The following BCAR3 variants were observed in gnomAD, a reference collection of about 807,000 sequenced individuals.
BCAR3 encodes the protein breast cancer anti-estrogen resistance protein 3.
In BCAR3, 37 loss-of-function variants were observed where a neutral mutation model predicts 80.1. The observed-to-expected ratio is 0.46, with a 90% CI of 0.36 to 0.61. BCAR3 has a LOEUF of 0.61. Among genes scored for constraint, BCAR3 ranks in the 20% least tolerant of loss-of-function variants. BCAR3 has a pLI of 0.00. For synonymous variants in BCAR3, 389 were observed against 418.9 expected (o/e 0.93, Z 0.87); for missense variants, 978 against 1,068.2 (o/e 0.92, Z 1.18).
intron 2 of BCAR3, among the ~76,000 whole-genome samples, chr1:93,807,599 G>A (rs964037050): frequency 1.3e-5 from 2 of 152,180 alleles, no homozygotes; most frequent in African/African-American, 4.8e-5. Context: ...GCTACTCTCG[G>A]AAGAATAGAT....
chr1:93,804,430 T>TCA (rs1283332470), intron 2 of BCAR3, among the ~76,000 whole-genome samples: 1 of 152,218 alleles, frequency 6.6e-6, no homozygotes, highest in African/African-American at 2.4e-5. Flanking sequence ...TATGCTAGTA[T>TCA]CACTACTCTT....
intron 2 of BCAR3, among the ~76,000 whole-genome samples, chr1:93,710,465 A>C (rs1196274946): frequency 6.6e-6 from 1 of 152,204 alleles, no homozygotes; most frequent in African/African-American, 2.4e-5. Flanking sequence ...ACTTTATCCT[A>C]GCCAGGATAT....
At chr1:93,684,674 T>G (rs538542023), upstream of BCAR3, among the ~76,000 whole-genome samples, 153 of 152,360 alleles carry the variant, frequency 1.0e-3, no homozygotes, top group Middle Eastern at 3.4e-3. Flanking sequence ...GCCTACTGTG[T>G]GCCAAGATGC....
rs557542375 is a variant in BCAR3, at chr1:93,799,942, A to G, written c.-63+45625T>C. ...TCACTGCCTACTGGTATGTTAAATA[A>G]AGGAGTGTGTAGGGATTTGGGACTA... On this transcript the variant is annotated intron_variant, in intron 2 of 13. Transcript: ENST00000370244. Among the ~76,000 whole-genome samples, 14 of 152,304 alleles carry G rather than the reference A, an allele frequency of 9.2e-5. No individual in the cohort carries two copies. The South Asian group carries it at 2.9e-3, about 32-fold the overall frequency.
At chr1:93,817,198 TTA>T (rs573831254) in intron 2 of BCAR3, among the ~76,000 whole-genome samples, 4 of 152,378 alleles carry the variant, frequency 2.6e-5, no homozygotes, top group Admixed American at 2.6e-4. Flanking sequence ...TGATTTAGCC[TTA>T]TATGTGAGCA....
At chr1:93,690,486 T>A (rs187401975) in intron 3 of BCAR3, among the ~76,000 whole-genome samples, 1 of 152,214 alleles carries the variant, frequency 6.6e-6, no homozygotes, top group African/African-American at 2.4e-5. Context: ...CCAGGTCATA[T>A]AGCAATATGT....
Position 93,674,626 on chromosome 1 carries a change from G to A in BCAR3, c.305C>T (p.Thr102Ile). Residue 102 changes from threonine (T) to isoleucine (I), a missense_variant, in exon 2 of 12, where the codon ACC (threonine) becomes ATC (isoleucine). Physicochemically the swap from Thr to Ile is moderately conservative, Grantham distance 89 (BLOSUM62 -1). Coordinates refer to ENST00000260502, the MANE Select transcript of BCAR3 (RefSeq NM_003567.4). ...ESPWQDRHGE[T>I]FTFRDPHLLD... ...TTACAGAAGTTACCTGAAGGTGAAG[G>A]TTTCGCCGTGCCGGTCCTGCCATGG... 6 of 1,612,986 alleles carry A rather than the reference G, an allele frequency of 3.7e-6. No homozygotes were observed. Among genetic ancestry groups the A allele is most frequent in the Non-Finnish European group, 5.1e-6 (6 of 1,179,786 alleles).
chr1:93,674,971 A>C (rs1648405581), intron 1 of BCAR3, 30 bp from the exon 2 acceptor site: 2 of 1,488,110 alleles, frequency 1.3e-6, no homozygotes, highest in African/African-American at 2.8e-5. Flanking sequence ...GTGAAGGTAT[A>C]AATCTATGAG....
intron 3 of BCAR3, among the ~76,000 whole-genome samples, chr1:93,606,188 A>G (rs1476619498): frequency 6.6e-6 from 1 of 152,176 alleles, no homozygotes; most frequent in African/African-American, 2.4e-5. Context: ...AGATACCCAC[A>G]TATCTCATTT....
intron 5 of BCAR3, 120 bp downstream of exon 5, chr1:93,588,855 AAC>A (rs1674053376): frequency 9.0e-7 from 1 of 1,111,908 alleles, no homozygotes; most frequent in Admixed American, 2.8e-5. Context: ...CTATTCTGCG[AAC>A]AGTCGGCATT....
intron 2 of BCAR3, among the ~76,000 whole-genome samples, chr1:93,659,458 G>C (rs1647546022): frequency 6.6e-6 from 1 of 151,986 alleles, no homozygotes; most frequent in Admixed American, 6.5e-5. Flanking sequence ...CTCCCAAAAT[G>C]CTGAGATTAT....
chr1:93,688,703 C>T (rs1016660429), intron 3 of BCAR3, among the ~76,000 whole-genome samples: 1 of 152,158 alleles, frequency 6.6e-6, no homozygotes, highest in Admixed American at 6.5e-5. Context: ...TCAAGCAACT[C>T]TCCTGCCTCA....
At chr1:93,640,677 G>A (rs1328241286) in intron 3 of BCAR3, among the ~76,000 whole-genome samples, 10 of 152,184 alleles carry the variant, frequency 6.6e-5, no homozygotes, top group African/African-American at 2.4e-4. Context: ...CACAATGATT[G>A]ATATTCATAA....
At chr1:93,829,153 C>A (rs570429152) in intron 2 of BCAR3, among the ~76,000 whole-genome samples, 1 of 152,104 alleles carries the variant, frequency 6.6e-6, no homozygotes, top group African/African-American at 2.4e-5. Context: ...TTTGTACAGG[C>A]TTGAGGAGGC....
At position 93,578,696 on chromosome 1, in the gene BCAR3, T is replaced by C. The variant is rs113409949; in HGVS notation, c.1687-2567A>G. Among the ~76,000 whole-genome samples, 142 of 152,230 alleles carry C rather than the reference T, an allele frequency of 9.3e-4. 1 individual carries two copies. The highest frequency in any genetic ancestry group is 3.3e-3 in the African/African-American group (136 of 41,544). On this transcript the variant is annotated intron_variant, in intron 7 of 11. Transcript: ENST00000260502. Reference sequence around the variant, plus strand: ...TGCAGGGCGTTTCCCACCTGGGTTGTGGCCCAAGTTCCTGCATCACTGTCC... The same window carrying C: ...TGCAGGGCGTTTCCCACCTGGGTTGCGGCCCAAGTTCCTGCATCACTGTCC...
At chr1:93,666,073 C>G (rs1454518394) in intron 2 of BCAR3, among the ~76,000 whole-genome samples, 2 of 152,194 alleles carry the variant, frequency 1.3e-5, no homozygotes, top group Non-Finnish European at 2.9e-5. Flanking sequence ...CCTCCTCATC[C>G]TCTTCTCCAT....
intron 2 of BCAR3, among the ~76,000 whole-genome samples, chr1:93,783,706 A>G (rs970985071): frequency 6.6e-6 from 1 of 152,236 alleles, no homozygotes; most frequent in Non-Finnish European, 1.5e-5. Context: ...ATGCAAAATT[A>G]AATAGCATAT....
In BCAR3 at chr1:93,823,695, T is replaced by TTTG. The variant is rs375285074; in HGVS notation, c.-63+21869_-63+21871dup. On this transcript the variant is annotated intron_variant, in intron 2 of 13. Coordinates refer to the BCAR3 transcript ENST00000370244. The stretch of plus-strand genomic sequence containing the variant: ...TACATAGAAAAGTATCTCATTGTTT[T>TTTG]TTGTTGTTGTTGTTATTATTTTTTG... Among the ~76,000 whole-genome samples the TTTG allele has an allele frequency of 3.7e-3, 498 of 133,640 alleles. 53 individuals carry two copies. The highest frequency in any genetic ancestry group is 0.012 in the African/African-American group (481 of 39,812). The allele number at this position is 133,640 out of a possible 152,430, so 87.7% of individuals were successfully genotyped here.
chr1:93,676,669 C>T (rs983205186), intron 1 of BCAR3, among the ~76,000 whole-genome samples: 8 of 152,320 alleles, frequency 5.3e-5, no homozygotes, highest in South Asian at 2.1e-4. Flanking sequence ...CTAGCCCCAC[C>T]GCCTGAACAC....
Sources: gnomAD v4.1 joint callset for allele counts (sites outside exome capture counted in the v4.1 genomes callset) on GRCh38, gnomAD v4.1.1 for gene constraint, MANE v1.5 for transcripts, NCBI Gene and HGNC (gene_info 2026-07-23, HGNC 2026-07-21) for gene names.